METRN: variants seen among roughly 807,000 people sequenced by gnomAD.
The protein encoded by METRN is meteorin.
METRN carries 17 observed loss-of-function variants against 17.4 expected under a neutral mutation model. The observed-to-expected ratio is 0.98, with a 90% confidence interval of 0.67 to 1.46. METRN has a LOEUF of 1.46. Among genes scored for constraint, METRN ranks in the 40% most tolerant of loss-of-function variants. The probability of loss-of-function intolerance (pLI) is 0.00; values close to 1 mark genes in which losing one functional copy is unlikely to be tolerated. For missense variants in METRN, 489 were observed against 456.2 expected (o/e 1.07, Z -0.65); for synonymous variants, 230 against 210.8 (o/e 1.09, Z -0.79).
chr16:719,292 G>A lies in METRN; in HGVS notation c.*1905G>A, dbSNP rs557907639. ...CCACGGTGCCCAAATGGGTCTTGGAGCATTAGACCAGGGGCTTCATGCCTG... is the reference window on the plus strand; with the variant it reads ...CCACGGTGCCCAAATGGGTCTTGGAACATTAGACCAGGGGCTTCATGCCTG... On this transcript the variant is annotated 3_prime_UTR_variant, in exon 4 of 4. Transcript: ENST00000568223. The A allele has an allele frequency of 6.6e-6, 1 of 152,314 alleles. No homozygotes were observed. Among genetic ancestry groups the A allele is most frequent in the East Asian group, 1.9e-4 (1 of 5,194 alleles). 9.4% of individuals were successfully genotyped at this position (152,314 alleles called of 1,614,324 possible).
At chr16:716,701 A>G in intron 2 of METRN, 1 of 1,535,440 alleles carries the variant, frequency 6.5e-7, no homozygotes, top group Non-Finnish European at 8.7e-7. Context: ...GTCTGTGTGC[A>G]TTCCTGCCTT....
Position 718,695 on chromosome 16 carries a change from ATGGG to A in METRN, c.*1311_*1314del. ...CCTGCCTGCCGCAGGGCTGATGAGG[ATGGG>A]TGAGGAGCGCAGCCACTGGGTGTCA... On this transcript the variant is annotated 3_prime_UTR_variant, in exon 4 of 4. Transcript: ENST00000568223. 1 of 152,336 alleles carries A rather than the reference ATGGG, an allele frequency of 6.6e-6. No individual in the cohort carries two copies. Among genetic ancestry groups the A allele is most frequent in the East Asian group, 1.9e-4 (1 of 5,176 alleles). 9.4% of individuals were successfully genotyped at this position (152,336 alleles called of 1,614,324 possible).
rs2040182130 is a variant in METRN, at chr16:718,778, C to G, written c.*1391C>G. ...CCCCTCCTCAGGTTCCTTGCTGCTT[C>G]TCTCCTCTCCCAACTGTGGCACGCT... On this transcript the variant is annotated 3_prime_UTR_variant, in exon 4 of 4. Transcript: ENST00000568223. 6.6e-6 allele frequency: 1 copy of G among 152,478 alleles called. No individual in the cohort carries two copies. Among genetic ancestry groups the G allele is most frequent in the Non-Finnish European group, 1.5e-5 (1 of 68,268 alleles). 9.4% of individuals were successfully genotyped at this position (152,478 alleles called of 1,614,324 possible).
chr16:716,404 G>C (rs1385681481), intron 2 of METRN: 4 of 1,427,012 alleles, frequency 2.8e-6, no homozygotes, highest in Middle Eastern at 2.5e-4. Context: ...GACGCCGCTC[G>C]CCTCCCTGCA....
intron 2 of METRN, chr16:716,267 G>A (rs946650997): frequency 1.0e-6 from 1 of 985,466 alleles, no homozygotes; most frequent in African/African-American, 1.7e-5. Context: ...GTTGGGGGAA[G>A]AGATGGTGGG....
intron 2 of METRN, chr16:716,261 G>C: frequency 1.0e-6 from 1 of 985,460 alleles, no homozygotes; most frequent in Middle Eastern, 5.2e-4. Context: ...TGAACGGTTG[G>C]GGGAAGAGAT....
In METRN at chr16:716,991, C is replaced by G; in HGVS notation, c.564C>G (p.Phe188Leu). ...ELLLAACTSD[F>L]VIHGIIHGVT... ...TCCTGGCCGCATGCACCAGCGACTT[C>G]GGTGAGTGTCCCCGCCATGGGGGGA... Residue 188 changes from phenylalanine to leucine, a missense_variant and splice_region_variant, in exon 3 of 4, where the codon TTC becomes TTG. Physicochemically the swap from Phe to Leu is conservative, Grantham distance 22. Coordinates refer to ENST00000568223, the MANE Select transcript of METRN (RefSeq NM_024042.4). The G allele has an allele frequency of 6.2e-7, 1 of 1,606,954 alleles. No individual in the cohort carries two copies. The highest frequency in any genetic ancestry group is 8.5e-7 in the Non-Finnish European group (1 of 1,176,366).
In METRN at chr16:716,569, G is replaced by C. The variant is rs1020830037; in HGVS notation, c.506-364G>C. On this transcript the variant is annotated intron_variant, in intron 2 of 3. Transcript: ENST00000568223. ...TTCCTATCACCCTAGCTGGGCTGCT[G>C]CTCTTCAGACCTCAGATCCGGGAAA... 4 of 1,534,946 alleles carry C rather than the reference G, an allele frequency of 2.6e-6. No individual in the cohort carries two copies. The Admixed American group carries it at 7.8e-5, about 30-fold the overall frequency.
intron 2 of METRN, chr16:716,488 A>T: frequency 6.8e-7 from 1 of 1,481,048 alleles, no homozygotes; most frequent in Non-Finnish European, 8.9e-7. Context: ...GGCTCTCGCT[A>T]TTCTGCCCCC....
In METRN at chr16:715,327, G is replaced by C. The variant is rs1363222934; in HGVS notation, c.38G>C (p.Cys13Ser). The change falls in exon 1 of 4, where the codon TGC becomes TCC. Residue 13 changes from cysteine to serine, a missense_variant. Coordinates refer to ENST00000568223, the MANE Select transcript of METRN (RefSeq NM_024042.4). Reference protein sequence around the residue: ...FPAAALLCALCCGLLAPAARA... With the variant: ...FPAAALLCALSCGLLAPAARA... The stretch of plus-strand genomic sequence containing the variant: ...GCCGCGGCGCTGCTCTGCGCGCTGT[G>C]CTGCGGCCTCCTGGCCCCGGCTGCC... The C allele has an allele frequency of 2.2e-5, 30 of 1,347,644 alleles. No homozygotes were observed. Among genetic ancestry groups the C allele is most frequent in the African/African-American group, 3.1e-5 (2 of 65,046 alleles). 83.5% of individuals were successfully genotyped at this position (1,347,644 alleles called of 1,614,324 possible).
In METRN at chr16:715,155, G is replaced by C. The variant is rs2040149327; in HGVS notation, c.-135G>C. 1 of 192,378 alleles carries C rather than the reference G, an allele frequency of 5.2e-6. No homozygotes were observed. Among genetic ancestry groups the C allele is most frequent in the Non-Finnish European group, 9.3e-6 (1 of 107,608 alleles). 11.9% of individuals were successfully genotyped at this position (192,378 alleles called of 1,614,324 possible). A position where few individuals can be genotyped will look rare whatever the true frequency, so the allele number is the denominator to read the frequency against. Reference sequence around the variant, plus strand: ...GCGCTGGGGCTGCGCGGCAGGCGGAGCGGCCGCGGGCTTGGGGGCTTCGCC... The same window carrying C: ...GCGCTGGGGCTGCGCGGCAGGCGGACCGGCCGCGGGCTTGGGGGCTTCGCC... On this transcript the variant is annotated 5_prime_UTR_variant, in exon 1 of 4. Transcript: ENST00000568223.
chr16:715,377 T>A lies in METRN; in HGVS notation c.88T>A (p.Cys30Ser). Residue 30 changes from cysteine to serine, a missense_variant, in exon 1 of 4, where the codon TGC (cysteine) becomes AGC (serine). Cys to Ser is a moderately radical substitution (Grantham distance 112). Coordinates refer to ENST00000568223, the MANE Select transcript of METRN (RefSeq NM_024042.4). ...CCGCGCCGGCTACTCCGAGGAGCGC[T>A]GCAGCTGGAGGGGCAGGTACGGTCC... ...AARAGYSEER[C>S]SWRGSGLTQE... is the part of the protein sequence containing the mutation. 1 of 1,333,928 alleles carries A rather than the reference T, an allele frequency of 7.5e-7. No individual in the cohort carries two copies. Among genetic ancestry groups the A allele is most frequent in the South Asian group, 1.8e-5 (1 of 54,428 alleles). The allele number at this position is 1,333,928 out of a possible 1,614,324, so 82.6% of individuals were successfully genotyped here.
In METRN at chr16:715,240, G is replaced by A. The variant is rs1430014041; in HGVS notation, c.-50G>A. The A allele has an allele frequency of 9.7e-7, 1 of 1,026,240 alleles. No individual in the cohort carries two copies. The highest frequency in any genetic ancestry group is 1.2e-6 in the Non-Finnish European group (1 of 833,244). The allele number at this position is 1,026,240 out of a possible 1,614,324, so 63.6% of individuals were successfully genotyped here. A position where few individuals can be genotyped will look rare whatever the true frequency, so the allele number is the denominator to read the frequency against. The stretch of plus-strand genomic sequence containing the variant: ...CCGCCGCCCGGACCCGCGCCCCGCC[G>A]GGGCAGCGGTGGTGAGAGCCCCGAC... On this transcript the variant is annotated 5_prime_UTR_variant, in exon 1 of 4. Transcript: ENST00000568223.
Position 717,365 on chromosome 16 carries a change from C to T in METRN, c.860C>T (p.Pro287Leu). 6.9e-7 allele frequency: 1 copy of T among 1,457,580 alleles called. No individual in the cohort carries two copies. Among genetic ancestry groups the T allele is most frequent in the East Asian group, 2.5e-5 (1 of 39,484 alleles). The allele number at this position is 1,457,580 out of a possible 1,614,324, so 90.3% of individuals were successfully genotyped here. A position where few individuals can be genotyped will look rare whatever the true frequency, so the allele number is the denominator to read the frequency against. Reference sequence around the variant, plus strand: ...GCTGCCCGTGCTGCCCACCTCCACCCCTGCGAGGTGGCGCTGCACTGAGGG... The same window carrying T: ...GCTGCCCGTGCTGCCCACCTCCACCTCTGCGAGGTGGCGCTGCACTGAGGG... ...YEAARAAHLH[P>L]CEVALH Residue 287 changes from proline (P) to leucine (L), a missense_variant, in exon 4 of 4, where the codon CCC becomes CTC. Transcript: ENST00000568223.
chr16:716,898 C>A, intron 2 of METRN, 35 bp from the exon 3 acceptor site: 4 of 1,535,464 alleles, frequency 2.6e-6, no homozygotes, highest in Non-Finnish European at 1.8e-6. Flanking sequence ...CGGGAGAGGG[C>A]AGGGCCTCTC....
Position 716,195 on chromosome 16 carries a change from G to C in METRN, c.505+211G>C, listed in dbSNP as rs76711498. On this transcript the variant is annotated intron_variant, in intron 2 of 3. Coordinates refer to ENST00000568223, the MANE Select transcript of METRN (RefSeq NM_024042.4). ...GATTCATCTCTGGAAAGAGCTGGCA[G>C]GGGCAGAGTGGAGGGAAGGGGAGGC... The C allele has an allele frequency of 1.1e-3, 1,097 of 985,456 alleles. 24 individuals are homozygous for C. The South Asian group carries it at 0.039, about 35-fold the overall frequency. 61.0% of individuals were successfully genotyped at this position (985,456 alleles called of 1,614,324 possible).
At chr16:716,668 C>G (rs1209920651) in intron 2 of METRN, 2 of 1,535,272 alleles carry the variant, frequency 1.3e-6, no homozygotes, top group African/African-American at 2.7e-5. Flanking sequence ...CAGCTGATCG[C>G]TAGGCATGGC....
chr16:716,465 C>T, intron 2 of METRN: 2 of 1,445,914 alleles, frequency 1.4e-6, no homozygotes, highest in Non-Finnish European at 1.8e-6. Flanking sequence ...GGCGCCTGAC[C>T]CTGAAAGGGA....
Position 715,377 on chromosome 16 carries a change from TG to T in METRN, c.89del (p.Cys30SerfsTer38). 1 of 1,333,924 alleles carries T rather than the reference TG, an allele frequency of 7.5e-7. No homozygotes were observed. The highest frequency in any genetic ancestry group is 1.8e-5 in the South Asian group (1 of 54,426). The allele number at this position is 1,333,924 out of a possible 1,614,324, so 82.6% of individuals were successfully genotyped here. On this transcript the variant is annotated frameshift_variant, in exon 1 of 4. Coordinates refer to ENST00000568223, the MANE Select transcript of METRN (RefSeq NM_024042.4). LOFTEE classifies it high-confidence loss of function. The stretch of plus-strand genomic sequence containing the variant: ...CCGCGCCGGCTACTCCGAGGAGCGC[TG>T]CAGCTGGAGGGGCAGGTACGGTCCG... ...AARAGYSEER[C>X]SWRGSGLTQE...
Sources: gnomAD v4.1 joint callset for allele counts on GRCh38, gnomAD v4.1.1 for gene constraint, MANE v1.5 for transcripts, NCBI Gene and HGNC (gene_info 2026-07-23, HGNC 2026-07-21) for gene names.